RUNX3: variants seen among roughly 807,000 people sequenced by gnomAD.
RUNX3 encodes runt-related transcription factor 3.
Under a neutral mutation model 27.7 loss-of-function variants are expected in RUNX3, and 10 were observed. The observed-to-expected ratio is 0.36, with a 90% CI of 0.22 to 0.61. The LOEUF (loss-of-function observed/expected upper bound fraction) is 0.61, where lower values mean the gene tolerates loss of function less well. Among genes scored for constraint, RUNX3 ranks in the 20% least tolerant of loss-of-function variants. The probability of loss-of-function intolerance (pLI) is 0.72; values close to 1 mark genes in which losing one functional copy is unlikely to be tolerated. For synonymous variants in RUNX3, 270 were observed against 269.2 expected, an observed-to-expected ratio of 1.00 and a Z score of -0.03; for missense variants, 469 against 629.5, an observed-to-expected ratio of 0.75 and a Z score of 2.73.
chr1:24,911,750 C>A (rs1177290285), intron 3 of RUNX3, among the ~76,000 whole-genome samples: 3 of 152,214 alleles, frequency 2.0e-5, no homozygotes, highest in Non-Finnish European at 4.4e-5. Context: ...GACACTTTCC[C>A]TTTTGTTCCC....
rs564729620 is a variant in RUNX3, at chr1:24,904,882, C to T, written c.704-2216G>A. Among the ~76,000 whole-genome samples the T allele has an allele frequency of 6.6e-6, 1 of 152,208 alleles. No homozygotes were observed. Among genetic ancestry groups the T allele is most frequent in the South Asian group, 2.1e-4 (1 of 4,832 alleles). ...GTACCCCCACCCTGCGGCCTCGCAG[C>T]CCCAGGAAACCCGAGCTGCCCGGGG... On this transcript the variant is annotated intron_variant, in intron 4 of 4. Transcript: ENST00000308873. The surrounding 1 kb of genome is among the most constrained non-coding windows in gnomAD (Gnocchi z 5.7).
At chr1:24,935,452 C>T (rs1391172668) in intron 2 of RUNX3, among the ~76,000 whole-genome samples, 4 of 152,232 alleles carry the variant, frequency 2.6e-5, no homozygotes, top group Non-Finnish European at 5.9e-5. Context: ...CCTTCCACGC[C>T]CATCCCCACC....
At chr1:24,926,127 T>C (rs560976858) in intron 2 of RUNX3, among the ~76,000 whole-genome samples, 14 of 152,304 alleles carry the variant, frequency 9.2e-5, no homozygotes, top group South Asian at 2.1e-4. Flanking sequence ...GCAGCTATAG[T>C]GCTCCTGACA....
At chr1:24,938,806 G>A (rs1016208984) in intron 2 of RUNX3, among the ~76,000 whole-genome samples, 4 of 152,134 alleles carry the variant, frequency 2.6e-5, no homozygotes, top group Non-Finnish European at 5.9e-5. Flanking sequence ...ACAGCCAGAA[G>A]ACACTGCCTT....
chr1:24,933,366 C>A (rs142414098), upstream of RUNX3, among the ~76,000 whole-genome samples: 33 of 152,362 alleles, frequency 2.2e-4, no homozygotes, highest in African/African-American at 7.7e-4. Flanking sequence ...TAGCACAGGC[C>A]TGGCACATGG....
At chr1:24,949,128 A>G (rs183219176) in intron 2 of RUNX3, among the ~76,000 whole-genome samples, 3 of 152,076 alleles carry the variant, frequency 2.0e-5, no homozygotes, top group East Asian at 3.9e-4. Context: ...ATTCCCACAT[A>G]CTGGAGCATT....
intron 3 of RUNX3, among the ~76,000 whole-genome samples, chr1:24,914,381 G>A (rs555775475): frequency 2.6e-5 from 4 of 152,350 alleles, no homozygotes; most frequent in East Asian, 3.9e-4. Context: ...CGCCGGGCCC[G>A]AGGCCGGCTC....
Position 24,943,312 on chromosome 1 carries a change from T to G in RUNX3, c.59-13460A>C, listed in dbSNP as rs2124342343. 6.6e-6 allele frequency among the ~76,000 whole-genome samples: 1 copy of G among 152,314 alleles called. No individual in the cohort carries two copies. The highest frequency in any genetic ancestry group is 3.4e-3 in the Middle Eastern group (1 of 294). ...CTCAGAATCCCACAGCCAGCAAATGTGAGGCTCCTGGAGACAGGGTCATGG... is the reference window on the plus strand; with the variant it reads ...CTCAGAATCCCACAGCCAGCAAATGGGAGGCTCCTGGAGACAGGGTCATGG... On this transcript the variant is annotated intron_variant, in intron 2 of 6. Transcript: ENST00000338888. This position sits in a 1 kb window ranked among gnomAD's most constrained non-coding sequence, Gnocchi z 4.6.
intron 2 of RUNX3, among the ~76,000 whole-genome samples, chr1:24,939,539 G>A (rs921225563): frequency 6.6e-6 from 1 of 152,270 alleles, no homozygotes; most frequent in Admixed American, 6.5e-5. Flanking sequence ...AGACCATTGT[G>A]TGGACAAATC....
chr1:24,910,681 G>C (rs1157530862), intron 3 of RUNX3, among the ~76,000 whole-genome samples: 1 of 152,220 alleles, frequency 6.6e-6, no homozygotes, highest in African/African-American at 2.4e-5. Context: ...GGGAGCCACA[G>C]GGGCTCAGCC....
rs1417069478 is a variant in RUNX3 at position 24,902,393 on chromosome 1, T to C, written c.977A>G (p.Asn326Ser). The change falls in exon 5 of 5, where the codon AAC becomes AGC. Residue 326 changes from asparagine (N) to serine (S), a missense_variant. Asn to Ser is a conservative substitution (Grantham distance 46). This residue lies in a region of RUNX3 where 279 missense variants were observed against 343.0 expected (regional missense o/e 0.81). Transcript: ENST00000308873. The surrounding 1 kb of genome is among the most constrained non-coding windows in gnomAD (Gnocchi z 9.2). ...GTAGTAGAGGTGGTAGGGGGACGGGTTGGCCTGGAAGGGCCCGCTCTGGTT... is the reference window on the plus strand; with the variant it reads ...GTAGTAGAGGTGGTAGGGGGACGGGCTGGCCTGGAAGGGCCCGCTCTGGTT... ...PQNQSGPFQA[N>S]PSPYHLYYGT... 2 of 1,612,674 alleles carry C rather than the reference T, an allele frequency of 1.2e-6. No homozygotes were observed. The highest frequency in any genetic ancestry group is 1.1e-5 in the South Asian group (1 of 91,068).
At chr1:24,954,663 G>A (rs969000742) in intron 2 of RUNX3, among the ~76,000 whole-genome samples, 3 of 152,242 alleles carry the variant, frequency 2.0e-5, no homozygotes, top group African/African-American at 7.2e-5. Context: ...CCCTTCAGCT[G>A]CTCTAAGCCT....
intron 2 of RUNX3, among the ~76,000 whole-genome samples, chr1:24,920,987 C>T (rs1325507130): frequency 1.3e-5 from 2 of 152,102 alleles, no homozygotes; most frequent in African/African-American, 2.4e-5. Flanking sequence ...GACTTTATCC[C>T]CCTATCCCTG....
chr1:24,911,016 G>C (rs190042010), intron 3 of RUNX3, among the ~76,000 whole-genome samples: 1 of 152,220 alleles, frequency 6.6e-6, no homozygotes, highest in African/African-American at 2.4e-5. Flanking sequence ...GGCCCAGTAC[G>C]GCCAGAGCTT....
At chr1:24,917,243 G>A (rs984566558) in intron 3 of RUNX3, among the ~76,000 whole-genome samples, 2 of 152,136 alleles carry the variant, frequency 1.3e-5, no homozygotes, top group Non-Finnish European at 2.9e-5. Flanking sequence ...CCCAACTGAG[G>A]CTCCTGTCCA....
rs1640591832 is a variant in RUNX3, at chr1:24,902,940, C to T, written c.704-274G>A. On this transcript the variant is annotated intron_variant, in intron 4 of 4. Coordinates refer to ENST00000308873, the MANE Select transcript of RUNX3 (RefSeq NM_004350.3). The surrounding 1 kb of genome is among the most constrained non-coding windows in gnomAD (Gnocchi z 9.2). ...AACAGAACAGAGGAGGGGGTCTATT[C>T]TTCTTTTTAAATCCTCCTTCCCAGC... Among the ~76,000 whole-genome samples the T allele has an allele frequency of 6.6e-6, 1 of 152,180 alleles. No homozygotes were observed. The highest frequency in any genetic ancestry group is 6.5e-5 in the Admixed American group (1 of 15,282).
At chr1:24,919,139 A>C in intron 3 of RUNX3, 101 bp downstream of exon 3, 1 of 680,370 alleles carries the variant, frequency 1.5e-6, no homozygotes, top group Non-Finnish European at 2.5e-6. Flanking sequence ...AAGGACTGCA[A>C]CCCCCCGAGG....
intron 3 of RUNX3, among the ~76,000 whole-genome samples, chr1:24,914,735 G>A (rs919639705): frequency 6.6e-6 from 1 of 152,102 alleles, no homozygotes; most frequent in Non-Finnish European, 1.5e-5. Flanking sequence ...CCAGGGACCT[G>A]GAGCAGCTGC....
chr1:24,922,874 C>G (rs1462852311), intron 2 of RUNX3, among the ~76,000 whole-genome samples: 2 of 150,758 alleles, frequency 1.3e-5, no homozygotes, highest in East Asian at 3.9e-4. Flanking sequence ...CCTGCACCTG[C>G]TGGAATTTTC....
Sources: gnomAD v4.1 joint callset for allele counts (sites outside exome capture counted in the v4.1 genomes callset) on GRCh38, gnomAD v4.1.1 for gene constraint, gnomAD v4.1.1 regional missense constraint, Gnocchi (gnomAD v3.1) non-coding constraint, MANE v1.5 for transcripts, NCBI Gene and HGNC (gene_info 2026-07-23, HGNC 2026-07-21) for gene names.